Variants in FRMPD4 observed in about 807,000 individuals in gnomAD.
FRMPD4 encodes FERM and PDZ domain-containing protein 4.
Under a neutral mutation model 94.1 loss-of-function variants are expected in FRMPD4, and 22 were observed. The ratio of observed to expected loss-of-function variants is 0.23; its 90% CI spans 0.17 to 0.33. FRMPD4 has a LOEUF of 0.33. FRMPD4 is among the 10% of genes least tolerant of loss of function. FRMPD4 has a pLI of 1.00. For synonymous variants in FRMPD4, 631 were observed against 548.6 expected, an observed-to-expected ratio of 1.15 and a Z score of -2.10; for missense variants, 1,111 against 1,339.9, an observed-to-expected ratio of 0.83 and a Z score of 2.67.
chrX:11,925,448 A>G (rs2054081736), intron 3 of FRMPD4, among the ~76,000 whole-genome samples: 1 of 112,269 alleles, frequency 8.9e-6, no homozygotes, highest in African/African-American at 3.2e-5. Flanking sequence ...AACAGATTAT[A>G]TATTTTTCTC....
intron 3 of FRMPD4, among the ~76,000 whole-genome samples, chrX:11,948,873 A>G (rs2054205212): frequency 1.8e-5 from 2 of 112,334 alleles, no homozygotes; most frequent in African/African-American, 6.5e-5. Context: ...TGGCCAATTA[A>G]GATTTTAATG....
chrX:11,911,385 T>C (rs2053996287), intron 3 of FRMPD4, among the ~76,000 whole-genome samples: 1 of 112,176 alleles, frequency 8.9e-6, no homozygotes, highest in Non-Finnish European at 1.9e-5. Context: ...TGAAAGAGGT[T>C]AGAATACCCA....
At chrX:12,680,991 T>C (rs1426072053) in intron 5 of FRMPD4, among the ~76,000 whole-genome samples, 4 of 111,688 alleles carry the variant, frequency 3.6e-5, no homozygotes, top group Admixed American at 9.5e-5. Flanking sequence ...CCGAAAACTC[T>C]ATATTTGTTA....
chrX:12,400,840 G>A (rs1008018346), intron 1 of FRMPD4, among the ~76,000 whole-genome samples: 1 of 112,015 alleles, frequency 8.9e-6, no homozygotes, highest in African/African-American at 3.2e-5. Context: ...CTGATGTTGT[G>A]ACCAACAGTT....
chrX:12,696,586 C>CAAAAAAAAAAAAAAAAAAAAAAAAGAAAA (rs57877846), intron 9 of FRMPD4, among the ~76,000 whole-genome samples: 3 of 30,053 alleles, frequency 1.0e-4, no homozygotes, highest in Non-Finnish European at 1.3e-4. Context: ...AAAAATGAAG[C>CAAAAAAAAAAAAAAAAAAAAAAAAGAAAA]AAAAAAAAAA....
intron 1 of FRMPD4, among the ~76,000 whole-genome samples, chrX:12,356,862 A>C (rs1421592960): frequency 8.9e-6 from 1 of 111,831 alleles, no homozygotes; most frequent in African/African-American, 3.2e-5. Context: ...AAGGCTGCCC[A>C]AGAGAGAAGA....
In FRMPD4 at chrX:12,099,928, T is replaced by G. The variant is rs941042959; in HGVS notation, c.95+221910T>G. On this transcript the variant is annotated intron_variant, in intron 3 of 18. Coordinates refer to the FRMPD4 transcript ENST00000640291. ...TTGGGAATACAATCTAACTCAGAGG[T>G]CCAACAAACTACTGCCCATAGCCAA... Among the ~76,000 whole-genome samples the G allele has an allele frequency of 6.2e-5, 7 of 112,273 alleles. 1 individual carries two copies. Among genetic ancestry groups the G allele is most frequent in the Admixed American group, 3.8e-4 (4 of 10,601 alleles).
chrX:11,891,239 T>TG (rs2053871880), intron 3 of FRMPD4, among the ~76,000 whole-genome samples: 1 of 111,187 alleles, frequency 9.0e-6, no homozygotes, highest in Admixed American at 9.5e-5. Context: ...CATCCAAAAA[T>TG]GGGGGAGCCA....
chrX:12,499,727 A>T (rs996385029), intron 2 of FRMPD4, among the ~76,000 whole-genome samples: 1 of 111,837 alleles, frequency 8.9e-6, no homozygotes, highest in Admixed American at 9.4e-5. Context: ...TTTCCTTTTT[A>T]ATGTTCCCTT....
At chrX:12,519,842 T>C (rs1318999962) in intron 2 of FRMPD4, among the ~76,000 whole-genome samples, 1 of 111,490 alleles carries the variant, frequency 9.0e-6, no homozygotes. Context: ...AAACCAAAAC[T>C]ACAATAAGAT....
At chrX:12,480,333 G>GAAAAAAAAAAAAAAAA (rs35074731) in intron 1 of FRMPD4, among the ~76,000 whole-genome samples, 8 of 54,670 alleles carry the variant, frequency 1.5e-4, no homozygotes, top group African/African-American at 2.3e-4. Flanking sequence ...GAAAAGAAAT[G>GAAAAAAAAAAAAAAAA]AAAAAAAAAA....
chrX:12,718,709 C>T lies in FRMPD4; in HGVS notation c.3883C>T (p.His1295Tyr), dbSNP rs1419676310. 1.7e-6 allele frequency: 2 copies of T among 1,207,485 alleles called. No individual in the cohort carries two copies. The highest frequency in any genetic ancestry group is 2.2e-6 in the Non-Finnish European group (2 of 892,782). Residue 1295 changes from histidine to tyrosine, a missense_variant, in exon 16 of 17, where the codon CAC (histidine) becomes TAC (tyrosine). Around this residue, in one of 8 missense-constraint regions of FRMPD4, gnomAD observed 551 missense variants for 591.6 expected, o/e 0.93. Transcript: ENST00000675598. ...MCPRMTVPALHTAINTEPLFG... is the reference protein window; with the variant it reads ...MCPRMTVPALYTAINTEPLFG... ...TCCACGGATGACAGTGCCTGCTCTGCACACAGCCATTAACACCGAACCCCT... is the reference window on the plus strand; with the variant it reads ...TCCACGGATGACAGTGCCTGCTCTGTACACAGCCATTAACACCGAACCCCT...
chrX:12,418,604 C>T (rs897137002), intron 1 of FRMPD4, among the ~76,000 whole-genome samples: 5 of 109,453 alleles, frequency 4.6e-5, no homozygotes, highest in African/African-American at 1.3e-4. Context: ...GTGATCCGTC[C>T]GCCTCAGCCT....
At position 12,193,097 on chromosome X, in the gene FRMPD4, G is replaced by A. The variant is rs182898649; in HGVS notation, c.41+54085G>A. On this transcript the variant is annotated intron_variant, in intron 1 of 16. Transcript: ENST00000675598. ...TTGTATAAAATGAGAGCAAAGAGCA[G>A]GCAGGTGTGGAAAGCAAGGCCAAAT... 4.6e-4 allele frequency among the ~76,000 whole-genome samples: 51 copies of A among 111,686 alleles called. 1 individual carries two copies. Among genetic ancestry groups the A allele is most frequent in the African/African-American group, 1.5e-3 (47 of 30,802 alleles).
intron 1 of FRMPD4, among the ~76,000 whole-genome samples, chrX:12,433,460 C>A (rs1447121002): frequency 9.0e-6 from 1 of 111,692 alleles, no homozygotes; most frequent in African/African-American, 3.3e-5. Context: ...GGGGAGTGAG[C>A]AGGTGGTACA....
At chrX:12,146,091 C>T (rs1375081556) in intron 1 of FRMPD4, among the ~76,000 whole-genome samples, 1 of 108,322 alleles carries the variant, frequency 9.2e-6, no homozygotes, top group Non-Finnish European at 1.9e-5. Flanking sequence ...GGGCTGGGCG[C>T]GGTGGCTCAC....
intron 1 of FRMPD4, among the ~76,000 whole-genome samples, chrX:12,319,932 G>A (rs747939649): frequency 2.7e-5 from 3 of 111,822 alleles, no homozygotes; most frequent in Non-Finnish European, 5.6e-5. Context: ...GTATGGCCAT[G>A]GTCGATTTCT....
Position 11,982,206 on chromosome X carries a change from C to T in FRMPD4, c.95+104188C>T, listed in dbSNP as rs750429606. Reference sequence around the variant, plus strand: ...GATATTTTTCTAGGTATAGTGCTCTCGGTGGAATTGTTCTTTTCTCTCAGC... The same window carrying T: ...GATATTTTTCTAGGTATAGTGCTCTTGGTGGAATTGTTCTTTTCTCTCAGC... On this transcript the variant is annotated intron_variant, in intron 3 of 18. Transcript: ENST00000640291. 9.1e-5 allele frequency among the ~76,000 whole-genome samples: 10 copies of T among 110,222 alleles called. No homozygotes were observed. In the South Asian group the frequency reaches 2.8e-3, roughly 31 times the overall value.
intron 11 of FRMPD4, among the ~76,000 whole-genome samples, chrX:12,705,304 C>A (rs5978570): frequency 0.24 from 26,210 of 110,832 alleles, 2,255 homozygotes; most frequent in Middle Eastern, 0.29. Context: ...GCAAAGGATT[C>A]CAGGAACCAG....
Sources: allele counts gnomAD v4.1 joint callset (sites outside exome capture counted in the v4.1 genomes callset), GRCh38; gene constraint gnomAD v4.1.1; regional missense constraint gnomAD v4.1.1; transcripts MANE v1.5; gene names NCBI Gene and HGNC (gene_info 2026-07-23, HGNC 2026-07-21).